The following MPP7 variants were observed in gnomAD, a reference collection of about 807,000 sequenced individuals.
MPP7 encodes the protein MAGUK p55 scaffold protein 7, also known as MAGUK p55 subfamily member 7.
In MPP7, 60 loss-of-function variants were observed where a neutral mutation model predicts 76.5. The observed-to-expected ratio is 0.78, with a 90% CI of 0.64 to 0.97. MPP7 has a LOEUF of 0.97. MPP7 is among the 50% of genes least tolerant of loss of function. The probability of loss-of-function intolerance (pLI) is 0.00; values close to 1 mark genes in which losing one functional copy is unlikely to be tolerated. For missense variants in MPP7, 641 were observed against 694.0 expected (o/e 0.92, Z 0.86); for synonymous variants, 237 against 244.5 (o/e 0.97, Z 0.29).
intron 6 of MPP7, among the ~76,000 whole-genome samples, chr10:28,131,018 C>CT (rs1008627326): frequency 2.6e-5 from 4 of 151,810 alleles, no homozygotes; most frequent in African/African-American, 7.3e-5. Context: ...CTATATTAAG[C>CT]TTTTTTTATT....
rs947513220 is a variant in MPP7, at chr10:28,051,977, T to C, written c.*2088A>G. On this transcript the variant is annotated 3_prime_UTR_variant, in exon 17 of 17. Coordinates refer to ENST00000683449, the MANE Select transcript of MPP7 (RefSeq NM_001318170.2). ...TATTTAAAAAATATTGTTCTAGCTC[T>C]GCGCTTAAGGTCTGGACCTTTCTTT... 6.6e-6 allele frequency: 1 copy of C among 152,134 alleles called. No individual in the cohort carries two copies. The highest frequency in any genetic ancestry group is 1.5e-5 in the Non-Finnish European group (1 of 68,022). The allele number at this position is 152,134 out of a possible 1,614,324, so 9.4% of individuals were successfully genotyped here.
chr10:28,204,940 G>A (rs1382169125), intron 2 of MPP7, among the ~76,000 whole-genome samples: 2 of 152,130 alleles, frequency 1.3e-5, no homozygotes, highest in Non-Finnish European at 2.9e-5. Context: ...CCCAAGTACT[G>A]CTTACATTTT....
intron 13 of MPP7, among the ~76,000 whole-genome samples, chr10:28,063,980 C>T (rs560246738): frequency 1.3e-5 from 2 of 152,266 alleles, no homozygotes; most frequent in African/African-American, 4.8e-5. Flanking sequence ...AGCTCACATA[C>T]GCTACTAGAG....
chr10:28,062,864 T>C (rs1252256585), intron 13 of MPP7, among the ~76,000 whole-genome samples: 2 of 152,082 alleles, frequency 1.3e-5, no homozygotes, highest in Admixed American at 1.3e-4. Context: ...GGTCAAGACC[T>C]AAATGTAAAA....
At chr10:28,217,404 G>A (rs1389654152) in intron 2 of MPP7, among the ~76,000 whole-genome samples, 1 of 151,688 alleles carries the variant, frequency 6.6e-6, no homozygotes, top group African/African-American at 2.4e-5. Context: ...TGGTGTGTCT[G>A]TAATCCCAGC....
intron 5 of MPP7, among the ~76,000 whole-genome samples, chr10:28,143,902 T>A (rs2985511): frequency 0.53 from 68,084 of 127,596 alleles, 18,339 homozygotes; most frequent in Middle Eastern, 0.73. Context: ...TGTGTGTGTG[T>A]GAGACTGAGT....
chr10:28,112,329 G>A (rs1167399528), intron 11 of MPP7, among the ~76,000 whole-genome samples: 2 of 152,060 alleles, frequency 1.3e-5, no homozygotes, highest in Non-Finnish European at 2.9e-5. Context: ...TAGGACCAAT[G>A]GGATAGATTA....
chr10:28,053,984 T>G lies in MPP7; in HGVS notation c.*81A>C, dbSNP rs1453564761. The G allele has an allele frequency of 1.8e-6, 2 of 1,084,862 alleles. No individual in the cohort carries two copies. The highest frequency in any genetic ancestry group is 3.2e-5 in the African/African-American group (2 of 62,988). The allele number at this position is 1,084,862 out of a possible 1,614,324, so 67.2% of individuals were successfully genotyped here. A position where few individuals can be genotyped will look rare whatever the true frequency, so the allele number is the denominator to read the frequency against. On this transcript the variant is annotated 3_prime_UTR_variant, in exon 17 of 17. Coordinates refer to ENST00000683449, the MANE Select transcript of MPP7 (RefSeq NM_001318170.2). Reference sequence around the variant, plus strand: ...TGTACATCTATGACAGTGATATAGATTTAAAAACCCTACTACCAAAACTGT... The same window carrying G: ...TGTACATCTATGACAGTGATATAGAGTTAAAAACCCTACTACCAAAACTGT...
rs1377029782 is a variant in MPP7, at chr10:28,056,512, T to C, written c.1519A>G (p.Arg507Gly). The C allele has an allele frequency of 6.2e-7, 1 of 1,612,884 alleles. No homozygotes were observed. The highest frequency in any genetic ancestry group is 1.7e-5 in the Admixed American group (1 of 59,626). The change falls in exon 16 of 17, where the codon AGA becomes GGA. Residue 507 changes from arginine to glycine, a missense_variant. Coordinates refer to ENST00000683449, the MANE Select transcript of MPP7 (RefSeq NM_001318170.2). ...GGTTTTGCAGCACCTTGGTCATCTC[T>C]GCTTGAAATAATCTTTGCATTTTTT... ...TRKNAKIISS[R>G]DDQGAAKPFT...
intron 11 of MPP7, among the ~76,000 whole-genome samples, chr10:28,109,814 T>C (rs1588782544): frequency 1.6e-5 from 1 of 60,942 alleles, no homozygotes; most frequent in Non-Finnish European, 2.9e-5. Context: ...AGCCAAGAAA[T>C]AAAGCAGAAC....
At chr10:28,069,892 C>T (rs773574401) in intron 12 of MPP7, 40 bp from the exon 13 acceptor site, 2 of 1,468,176 alleles carry the variant, frequency 1.4e-6, no homozygotes, top group Non-Finnish European at 1.9e-6. Context: ...TTGGACAAAA[C>T]ACCACATAAA....
chr10:28,058,687 T>C, intron 14 of MPP7, 84 bp from the exon 15 acceptor site: 1 of 626,296 alleles, frequency 1.6e-6, no homozygotes, highest in Non-Finnish European at 2.7e-6. Context: ...GTAAAAGACG[T>C]TTCTGCTGAA....
chr10:28,072,528 T>C (rs530354003), intron 12 of MPP7, among the ~76,000 whole-genome samples: 1 of 152,332 alleles, frequency 6.6e-6, no homozygotes, highest in Admixed American at 6.5e-5. Context: ...TGCACCCCAG[T>C]GGGCAGTCCT....
At chr10:28,061,753 T>C (rs1053562149) in intron 13 of MPP7, among the ~76,000 whole-genome samples, 6 of 152,008 alleles carry the variant, frequency 3.9e-5, no homozygotes, top group Non-Finnish European at 7.4e-5. Flanking sequence ...ATAATCAAAC[T>C]ATTAAAAGCC....
intron 2 of MPP7, among the ~76,000 whole-genome samples, chr10:28,233,934 A>G (rs1271882789): frequency 6.6e-6 from 1 of 151,746 alleles, no homozygotes; most frequent in Non-Finnish European, 1.5e-5. Flanking sequence ...AAGAAGAGAG[A>G]AGACAGAAGA....
intron 3 of MPP7, among the ~76,000 whole-genome samples, chr10:28,178,453 GA>G (rs113212229): frequency 0.022 from 3,317 of 149,656 alleles, 54 homozygotes; most frequent in African/African-American, 0.046. Flanking sequence ...GGCAAAACAG[GA>G]AAAAAAAAGT....
At chr10:28,183,919 TGAG>T (rs565848184) in intron 3 of MPP7, among the ~76,000 whole-genome samples, 70 of 152,124 alleles carry the variant, frequency 4.6e-4, no homozygotes, top group African/African-American at 1.5e-3. Context: ...AGAAAGAAAT[TGAG>T]GATGAGGATG....
intron 1 of MPP7, among the ~76,000 whole-genome samples, chr10:28,249,568 G>C (rs1839545746): frequency 6.6e-6 from 1 of 152,196 alleles, no homozygotes; most frequent in Admixed American, 6.5e-5. Flanking sequence ...CTGGGCAACA[G>C]AGAGAGACTT....
At chr10:28,226,704 A>G (rs749991753) in intron 2 of MPP7, among the ~76,000 whole-genome samples, 2 of 152,242 alleles carry the variant, frequency 1.3e-5, no homozygotes, top group Non-Finnish European at 2.9e-5. Context: ...TATATCACAC[A>G]TATTTTATCT....
Sources: allele counts gnomAD v4.1 joint callset (sites outside exome capture counted in the v4.1 genomes callset), GRCh38; gene constraint gnomAD v4.1.1; transcripts MANE v1.5; gene names NCBI Gene and HGNC (gene_info 2026-07-23, HGNC 2026-07-21).